ANKRD26: variants seen among roughly 807,000 people sequenced by gnomAD.
The protein encoded by ANKRD26 is ankyrin repeat domain 26.
Under a neutral mutation model 208.7 loss-of-function variants are expected in ANKRD26, and 141 were observed. That is an observed-to-expected ratio of 0.68 (90% CI 0.59 to 0.78). The LOEUF is 0.78. ANKRD26 is among the 30% of genes least tolerant of loss of function. The pLI is 0.00. For synonymous variants in ANKRD26, 636 were observed against 660.4 expected (o/e 0.96, Z 0.57); for missense variants, 1,889 against 1,938.7 (o/e 0.97, Z 0.48).
At chr10:27,093,640 T>G in intron 2 of ANKRD26, 45 bp downstream of exon 2, 1 of 1,599,944 alleles carries the variant, frequency 6.3e-7, no homozygotes, top group Non-Finnish European at 8.6e-7. Flanking sequence ...TTCTATGTAT[T>G]TAAGTCAAAT....
intron 16 of ANKRD26, among the ~76,000 whole-genome samples, chr10:27,052,849 G>A (rs375877445): frequency 2.0e-5 from 3 of 152,124 alleles, no homozygotes; most frequent in African/African-American, 7.2e-5. Context: ...TCACAAGGCA[G>A]AATAAATCTT....
At chr10:26,994,102 C>G (rs2052537300) in intron 5 of ANKRD26, among the ~76,000 whole-genome samples, 1 of 152,132 alleles carries the variant, frequency 6.6e-6, no homozygotes. Flanking sequence ...CTTTTGTATA[C>G]AGGTCTGGGC....
chr10:27,004,445 A>G lies in ANKRD26; in HGVS notation c.*1145T>C, dbSNP rs1442875641. On this transcript the variant is annotated 3_prime_UTR_variant, in exon 34 of 34. Coordinates refer to ENST00000376087, the MANE Select transcript of ANKRD26 (RefSeq NM_014915.3). Reference sequence around the variant, plus strand: ...CGATGGGGAGTAGAGATATGTACATAGTCTCAAATTACCTCCCTGTAAAAT... The same window carrying G: ...CGATGGGGAGTAGAGATATGTACATGGTCTCAAATTACCTCCCTGTAAAAT... The G allele has an allele frequency of 6.6e-6, 1 of 152,170 alleles. No individual in the cohort carries two copies. Among genetic ancestry groups the G allele is most frequent in the Admixed American group, 6.6e-5 (1 of 15,262 alleles). The allele number at this position is 152,170 out of a possible 1,614,324, so 9.4% of individuals were successfully genotyped here.
At chr10:27,079,927 G>C (rs1430692663) in intron 6 of ANKRD26, 1 of 175,938 alleles carries the variant, frequency 5.7e-6, no homozygotes, top group Non-Finnish European at 1.2e-5. Flanking sequence ...GGAGGCCGAG[G>C]CGGGCAGATC....
chr10:26,968,864 C>T (rs2052105917), downstream of ANKRD26, among the ~76,000 whole-genome samples: 1 of 152,152 alleles, frequency 6.6e-6, no homozygotes, highest in South Asian at 2.1e-4. Flanking sequence ...TTAAATTTCA[C>T]CAGTGCCTTA....
intron 27 of ANKRD26, among the ~76,000 whole-genome samples, chr10:27,028,146 C>T (rs2053729751): frequency 1.3e-5 from 2 of 152,156 alleles, no homozygotes; most frequent in South Asian, 2.1e-4. Flanking sequence ...AGTGGAGGAA[C>T]ATCTGAAAAT....
At chr10:27,017,897 T>C in intron 29 of ANKRD26, 105 bp from the exon 30 acceptor site, 1 of 1,084,184 alleles carries the variant, frequency 9.2e-7, no homozygotes, top group Non-Finnish European at 1.3e-6. Context: ...TGCAATAAAA[T>C]GTCACCTGAA....
In ANKRD26 at chr10:27,004,561, CA is replaced by C. The variant is rs1176682142; in HGVS notation, c.*1028del. On this transcript the variant is annotated 3_prime_UTR_variant, in exon 34 of 34. Transcript: ENST00000376087. ...TGATCAATGCTAACATTACCAGTAA[CA>C]GGGCAAATCAAAACTGTAGGGTCAC... The C allele has an allele frequency of 6.6e-6, 1 of 152,116 alleles. No individual in the cohort carries two copies. The highest frequency in any genetic ancestry group is 1.9e-4 in the East Asian group (1 of 5,198). 9.4% of individuals were successfully genotyped at this position (152,116 alleles called of 1,614,324 possible).
At chr10:26,948,987 C>G in the ANKRD26 span, among the ~76,000 whole-genome samples, 2 of 151,764 alleles carry the variant, frequency 1.3e-5, no homozygotes, top group Non-Finnish European at 2.9e-5. Flanking sequence ...AAGAGTGAAA[C>G]GCCATCTAAA....
At position 27,012,920 on chromosome 10, in the gene ANKRD26, G is replaced by A. The variant is rs368507197; in HGVS notation, c.4915C>T (p.Arg1639Trp). ...TTCTCCATGCTATTATTTGAAGCCC[G>A]TGGATTTGAGGTAGAGATCACTAAG... ...ENLVISTSNP[R>W]ASNNSMENYL... The change falls in exon 32 of 34, where the codon CGG becomes TGG. Residue 1639 changes from arginine to tryptophan, a missense_variant. By Grantham distance (101) the Arg-to-Trp change is moderately radical. Around this residue, in one of 3 missense-constraint regions of ANKRD26, gnomAD observed 613 missense variants for 648.2 expected, o/e 0.95. Transcript: ENST00000376087. The A allele has an allele frequency of 3.1e-5, 50 of 1,613,912 alleles. No individual in the cohort carries two copies. The highest frequency in any genetic ancestry group is 3.8e-5 in the Non-Finnish European group (45 of 1,179,916).
intron 6 of ANKRD26, chr10:27,080,611 C>T (rs1171876135): frequency 2.5e-5 from 25 of 983,538 alleles, no homozygotes; most frequent in Non-Finnish European, 3.0e-5. Context: ...TCCCTAAGTA[C>T]TATCTAAACA....
In ANKRD26 at chr10:27,033,261, CTG is replaced by C. The variant is rs1564372026; in HGVS notation, c.3769_3770del (p.Gln1257GlyfsTer28). 6.2e-7 allele frequency: 1 copy of C among 1,611,926 alleles called. No individual in the cohort carries two copies. Among genetic ancestry groups the C allele is most frequent in the Non-Finnish European group, 8.5e-7 (1 of 1,178,608 alleles). On this transcript the variant is annotated frameshift_variant, in exon 25 of 34. Transcript: ENST00000376087. LOFTEE classifies it high-confidence loss of function. ...TTTGACCTAATTTCTTCTTTAAATC[CTG>C]TGTCTCATCTTCTAAATTAATACGA... ...RYRINLEDETQDLKKKLGQIR... is the reference protein window; with the variant it reads ...RYRINLEDETXDLKKKLGQIR...
At chr10:27,022,497 A>G (rs2053523294) in intron 29 of ANKRD26, 61 bp downstream of exon 29, 2 of 1,282,514 alleles carry the variant, frequency 1.6e-6, no homozygotes, top group South Asian at 2.6e-5. Context: ...CAAAGCATTG[A>G]GAAGTCTATA....
intron 30 of ANKRD26, among the ~76,000 whole-genome samples, chr10:27,016,480 T>C (rs1304220537): frequency 6.6e-6 from 1 of 152,132 alleles, no homozygotes; most frequent in African/African-American, 2.4e-5. Flanking sequence ...GTTTTCACTA[T>C]GTTGGCCAGG....
intron 29 of ANKRD26, among the ~76,000 whole-genome samples, chr10:27,019,804 A>G (rs1046136039): frequency 6.6e-6 from 1 of 152,096 alleles, no homozygotes; most frequent in African/African-American, 2.4e-5. Flanking sequence ...TGTAAAATAC[A>G]TTTTTTCTGC....
chr10:27,093,294 C>T (rs996654390), intron 3 of ANKRD26, 55 bp downstream of exon 3: 2 of 1,526,188 alleles, frequency 1.3e-6, no homozygotes, highest in South Asian at 1.2e-5. Flanking sequence ...ACATATGTCA[C>T]TGTTGAAACA....
At position 27,100,231 on chromosome 10, in the gene ANKRD26, C is replaced by G. The variant is rs779596861; in HGVS notation, c.96G>C (p.Glu32Asp). 35 of 1,612,274 alleles carry G rather than the reference C, an allele frequency of 2.2e-5. No homozygotes were observed. The African/African-American group carries it at 4.4e-4, about 20-fold the overall frequency. The change falls in exon 1 of 34, where the codon GAG becomes GAC. Residue 32 changes from glutamate to aspartate, a missense_variant. By Grantham distance (45) the Glu-to-Asp change is conservative. Around this residue, in one of 3 missense-constraint regions of ANKRD26, gnomAD observed 1,272 missense variants for 1,273.8 expected, o/e 1.00. Transcript: ENST00000376087. Reference protein sequence around the residue: ...SSAGGGGEPGEGAYSQPGYHV... With the variant: ...SSAGGGGEPGDGAYSQPGYHV... ...GGTAGCCGGGCTGCGAGTAGGCGCC[C>G]TCCCCCGGCTCGCCCCCGCCTCCCG...
intron 5 of ANKRD26, among the ~76,000 whole-genome samples, chr10:26,979,095 C>G (rs2134615153): frequency 6.6e-6 from 1 of 152,274 alleles, no homozygotes; most frequent in South Asian, 2.1e-4. Flanking sequence ...GTGGCAGCCC[C>G]TGTAGTCCCA....
At chr10:27,024,382 C>A (rs1225491248) in intron 28 of ANKRD26, 65 bp downstream of exon 28, 7 of 874,754 alleles carry the variant, frequency 8.0e-6, no homozygotes, top group Non-Finnish European at 1.3e-5. Context: ...TAGTTTTGAA[C>A]AAAGTAAAAT....
Sources: allele counts gnomAD v4.1 joint callset (sites outside exome capture counted in the v4.1 genomes callset), GRCh38; gene constraint gnomAD v4.1.1; regional missense constraint gnomAD v4.1.1; transcripts MANE v1.5; gene names NCBI Gene and HGNC (gene_info 2026-07-23, HGNC 2026-07-21).